Variants in EVC observed in about 807,000 individuals in gnomAD.
EVC encodes the protein EvC ciliary complex subunit 1.
Under a neutral mutation model 118.9 loss-of-function variants are expected in EVC, and 116 were observed. The observed-to-expected ratio is 0.98, with a 90% CI of 0.84 to 1.14. The LOEUF (loss-of-function observed/expected upper bound fraction) is 1.14. Ranked by LOEUF, EVC falls within the 50% of genes most tolerant of loss-of-function variation. EVC has a pLI of 0.00. For synonymous variants in EVC, 619 were observed against 534.7 expected (o/e 1.16, Z -2.18); for missense variants, 1,401 against 1,246.4 (o/e 1.12, Z -1.87).
intron 17 of EVC, among the ~76,000 whole-genome samples, chr4:5,806,595 G>A (rs1577657220): frequency 6.6e-6 from 1 of 152,188 alleles, no homozygotes; most frequent in African/African-American, 2.4e-5. Flanking sequence ...GTCCTCCATT[G>A]ATGGACACTT....
intron 11 of EVC, among the ~76,000 whole-genome samples, chr4:5,783,021 G>A (rs1735852558): frequency 6.6e-6 from 1 of 152,176 alleles, no homozygotes; most frequent in Non-Finnish European, 1.5e-5. Flanking sequence ...GAGCAGGTGT[G>A]AAGCTTGGCT....
chr4:5,734,136 G>T (rs932348191), intron 5 of EVC, among the ~76,000 whole-genome samples: 1 of 152,142 alleles, frequency 6.6e-6, no homozygotes, highest in Non-Finnish European at 1.5e-5. Flanking sequence ...CACTTTAGCC[G>T]CAGAACCCCG....
In EVC at chr4:5,756,153, C is replaced by T; in HGVS notation, c.1465-111C>T. On this transcript the variant is annotated intron_variant, in intron 10 of 20. Transcript: ENST00000264956. The surrounding 1 kb of genome is among the most constrained non-coding windows in gnomAD (Gnocchi z 4.2). Reference sequence around the variant, plus strand: ...GTTTCCTTGTGTGTAATACAGGTGCCAACATCCTTCTTTCTAACCTGAGAT... The same window carrying T: ...GTTTCCTTGTGTGTAATACAGGTGCTAACATCCTTCTTTCTAACCTGAGAT... 3 of 839,638 alleles carry T rather than the reference C, an allele frequency of 3.6e-6. No individual in the cohort carries two copies. The highest frequency in any genetic ancestry group is 5.9e-6 in the Non-Finnish European group (3 of 510,274). The allele number at this position is 839,638 out of a possible 1,614,324, so 52.0% of individuals were successfully genotyped here.
intron 11 of EVC, among the ~76,000 whole-genome samples, chr4:5,759,089 CTGAG>C (rs747389062): frequency 6.6e-6 from 1 of 151,618 alleles, no homozygotes; most frequent in Non-Finnish European, 1.5e-5. Flanking sequence ...GGCGGGTCCT[CTGAG>C]TGCCCAGGCA....
intron 11 of EVC, among the ~76,000 whole-genome samples, chr4:5,771,903 TTA>T (rs879770420): frequency 1.3e-5 from 2 of 151,726 alleles, no homozygotes; most frequent in Non-Finnish European, 2.9e-5. Context: ...TATTTTATTA[TTA>T]TTATTATTAT....
rs1577425849 is a variant in EVC, at chr4:5,749,533, G to T, written c.1098+1227G>T. The stretch of plus-strand genomic sequence containing the variant: ...CATTACTTAACCTCTCTGCGCGTCT[G>T]TTCCTCTATTTATAAAATAATAGTG... On this transcript the variant is annotated intron_variant, in intron 8 of 20. Coordinates refer to ENST00000264956, the MANE Select transcript of EVC (RefSeq NM_153717.3). The surrounding 1 kb of genome is among the most constrained non-coding windows in gnomAD (Gnocchi z 4.4). Among the ~76,000 whole-genome samples, 1 of 152,110 alleles carries T rather than the reference G, an allele frequency of 6.6e-6. No homozygotes were observed. The highest frequency in any genetic ancestry group is 2.4e-5 in the African/African-American group (1 of 41,422).
At chr4:5,807,663 C>T (rs894513058) in intron 17 of EVC, among the ~76,000 whole-genome samples, 1 of 152,152 alleles carries the variant, frequency 6.6e-6, no homozygotes, top group South Asian at 2.1e-4. Flanking sequence ...AACAGGCTGC[C>T]TGCCGTATTC....
chr4:5,820,325 C>T, the EVC span, among the ~76,000 whole-genome samples: 1 of 138,018 alleles, frequency 7.2e-6, no homozygotes, highest in Non-Finnish European at 1.5e-5. Context: ...CTGTCACCAC[C>T]ATCATTGTCA....
At chr4:5,773,309 C>G (rs886846311) in intron 11 of EVC, among the ~76,000 whole-genome samples, 6 of 152,138 alleles carry the variant, frequency 3.9e-5, no homozygotes, top group African/African-American at 2.4e-5. Flanking sequence ...TGGGCTGCAG[C>G]TTGGCCAGCA....
At chr4:5,797,821 G>A (rs555972700) in intron 14 of EVC, among the ~76,000 whole-genome samples, 15 of 152,178 alleles carry the variant, frequency 9.9e-5, no homozygotes, top group Non-Finnish European at 4.4e-5. Flanking sequence ...AAAACCATAC[G>A]GAATCAGAGG....
At chr4:5,819,788 A>G in the EVC span, among the ~76,000 whole-genome samples, 2 of 150,724 alleles carry the variant, frequency 1.3e-5, no homozygotes, top group Admixed American at 6.6e-5. Context: ...TGGTCTTTCC[A>G]TCCAAAAATC....
the EVC span, among the ~76,000 whole-genome samples, chr4:5,823,331 C>T: frequency 0.026 from 3,886 of 152,302 alleles, 144 homozygotes; most frequent in African/African-American, 0.088. Context: ...TGTCTTCTTG[C>T]AATACAAGTC....
chr4:5,797,891 G>A (rs760353732), intron 14 of EVC, among the ~76,000 whole-genome samples: 6 of 152,242 alleles, frequency 3.9e-5, no homozygotes, highest in Non-Finnish European at 8.8e-5. Flanking sequence ...TCTCTTTGAA[G>A]TGTGATAACA....
At position 5,711,439 on chromosome 4, in the gene EVC, C is replaced by T. The variant is rs893797487; in HGVS notation, c.59C>T (p.Ala20Val). 2.9e-6 allele frequency: 3 copies of T among 1,022,958 alleles called. No individual in the cohort carries two copies. The highest frequency in any genetic ancestry group is 3.5e-6 in the Non-Finnish European group (3 of 857,584). The allele number at this position is 1,022,958 out of a possible 1,614,324, so 63.4% of individuals were successfully genotyped here. A position where few individuals can be genotyped will look rare whatever the true frequency, so the allele number is the denominator to read the frequency against. ...GCGCGGCTGCTGCTGGGGCGGGACG[C>T]GCTGCGGCCGGCGCCCGCCCTGCTG... ...SDARLLLGRDALRPAPALLAP... is the reference protein window; with the variant it reads ...SDARLLLGRDVLRPAPALLAP... Residue 20 changes from alanine to valine, a missense_variant, in exon 1 of 21, where the codon GCG becomes GTG. Coordinates refer to ENST00000264956, the MANE Select transcript of EVC (RefSeq NM_153717.3).
intron 17 of EVC, among the ~76,000 whole-genome samples, chr4:5,806,417 T>C (rs1233082349): frequency 6.6e-6 from 1 of 152,192 alleles, no homozygotes; most frequent in Non-Finnish European, 1.5e-5. Flanking sequence ...CACACATTAT[T>C]GAGCTCCCAC....
chr4:5,767,326 G>A (rs1386037937), intron 11 of EVC, among the ~76,000 whole-genome samples: 10 of 132,720 alleles, frequency 7.5e-5, no homozygotes, highest in Non-Finnish European at 1.2e-4. Flanking sequence ...GGACATTTAA[G>A]TCTGCAGAGG....
At chr4:5,762,368 G>A (rs1303091064) in intron 11 of EVC, among the ~76,000 whole-genome samples, 2 of 138,506 alleles carry the variant, frequency 1.4e-5, no homozygotes, top group South Asian at 5.4e-4. Context: ...ACATACGTGT[G>A]CATGTGTCTT....
At chr4:5,747,676 T>C (rs1435872890) in intron 7 of EVC, among the ~76,000 whole-genome samples, 1 of 152,206 alleles carries the variant, frequency 6.6e-6, no homozygotes, top group Non-Finnish European at 1.5e-5. Flanking sequence ...AAGCAAAATG[T>C]TTTCATGGTC....
At chr4:5,770,267 C>T (rs1008497943) in intron 11 of EVC, among the ~76,000 whole-genome samples, 3 of 152,156 alleles carry the variant, frequency 2.0e-5, no homozygotes, top group Non-Finnish European at 2.9e-5. Context: ...CTGCCCTGAG[C>T]CTCCAGCCCT....
Sources: gnomAD v4.1 joint callset for allele counts (sites outside exome capture counted in the v4.1 genomes callset) on GRCh38, gnomAD v4.1.1 for gene constraint, Gnocchi (gnomAD v3.1) non-coding constraint, MANE v1.5 for transcripts, NCBI Gene and HGNC (gene_info 2026-07-23, HGNC 2026-07-21) for gene names.